SLC13A4: variants seen among roughly 807,000 people sequenced by gnomAD.
SLC13A4 encodes the protein Na(+)/sulfate cotransporter SUT-1.
Under a neutral mutation model 72.7 loss-of-function variants are expected in SLC13A4, and 28 were observed. The observed-to-expected ratio is 0.39, with a 90% CI of 0.29 to 0.53. SLC13A4 has a LOEUF of 0.53. Ranked by LOEUF, SLC13A4 falls within the 20% of genes least tolerant of loss-of-function variation. The pLI, the probability that SLC13A4 is intolerant of heterozygous loss-of-function variation, is 0.78. For synonymous variants in SLC13A4, 312 were observed against 325.5 expected, an observed-to-expected ratio of 0.96 and a Z score of 0.45; for missense variants, 653 against 788.0, an observed-to-expected ratio of 0.83 and a Z score of 2.05.
intron 2 of SLC13A4, among the ~76,000 whole-genome samples, chr7:135,716,583 G>A (rs1292037901): frequency 2.0e-5 from 3 of 152,350 alleles, no homozygotes; most frequent in East Asian, 1.9e-4. Flanking sequence ...AAAGTGCTGG[G>A]ATTACAGGCG....
At chr7:135,705,970 G>A in intron 4 of SLC13A4, 158 bp downstream of exon 4, 1 of 651,178 alleles carries the variant, frequency 1.5e-6, no homozygotes, top group Non-Finnish European at 2.5e-6. Flanking sequence ...GCTGGGATGG[G>A]AAAGAGGAGA....
chr7:135,722,847 G>A (rs1433752366), intron 1 of SLC13A4, among the ~76,000 whole-genome samples: 5 of 152,082 alleles, frequency 3.3e-5, no homozygotes, highest in Non-Finnish European at 7.4e-5. Context: ...CCTGGGAGAG[G>A]GAAGGGAAGA....
intron 8 of SLC13A4, 128 bp from the exon 9 acceptor site, chr7:135,695,615 GT>G (rs1795883797): frequency 9.4e-7 from 1 of 1,059,212 alleles, no homozygotes; most frequent in African/African-American, 1.6e-5. Flanking sequence ...TAACGATATG[GT>G]AAAACGTTGC....
chr7:135,706,619 A>G (rs1164968603), intron 3 of SLC13A4, among the ~76,000 whole-genome samples: 3 of 152,206 alleles, frequency 2.0e-5, no homozygotes, highest in Non-Finnish European at 2.9e-5. Context: ...TTCTGTCTCC[A>G]CGGACATTGG....
At chr7:135,696,850 A>G (rs1795916040) in intron 8 of SLC13A4, among the ~76,000 whole-genome samples, 1 of 152,228 alleles carries the variant, frequency 6.6e-6, no homozygotes, top group Non-Finnish European at 1.5e-5. Context: ...CTTACTTTGC[A>G]TCATCATTCA....
intron 1 of SLC13A4, among the ~76,000 whole-genome samples, chr7:135,724,645 G>A (rs908192784): frequency 1.1e-4 from 16 of 152,206 alleles, no homozygotes; most frequent in African/African-American, 3.9e-4. Flanking sequence ...TTAGACATGC[G>A]ACTAGGTTAC....
chr7:135,727,637 A>G lies in SLC13A4; in HGVS notation c.-141T>C. On this transcript the variant is annotated 5_prime_UTR_variant, in exon 1 of 16. Transcript: ENST00000682651. The stretch of plus-strand genomic sequence containing the variant: ...AGTCCTCCTTCGTCTTGGGGGCAGA[A>G]CGGGAGGGCAGTTATACCCTCGCTG... 1 of 1,067,694 alleles carries G rather than the reference A, an allele frequency of 9.4e-7. No individual in the cohort carries two copies. The highest frequency in any genetic ancestry group is 1.3e-6 in the Non-Finnish European group (1 of 765,378). 66.1% of individuals were successfully genotyped at this position (1,067,694 alleles called of 1,614,324 possible).
Position 135,708,125 on chromosome 7 carries a change from G to C in SLC13A4, c.354C>G (p.Ala118=). The C allele has an allele frequency of 7.4e-6, 12 of 1,613,356 alleles. No homozygotes were observed. Among genetic ancestry groups the C allele is most frequent in the Non-Finnish European group, 1.0e-5 (12 of 1,179,340 alleles). Residue 118 remains alanine (A), a synonymous_variant, in exon 3 of 16, where the codon GCC becomes GCG. Transcript: ENST00000682651. ...IALRMVLMAG[A]KPGMLLLCFM... is the part of the protein sequence containing the mutation. The stretch of plus-strand genomic sequence containing the variant: ...CAAATAAGACTTACATGCCCGGCTT[G>C]GCTCCGGCCATCAAGACCATGCGCA...
rs779820336 is a variant in SLC13A4, at chr7:135,684,250, C to T, written c.1620G>A (p.Leu540=). The T allele has an allele frequency of 1.9e-6, 3 of 1,605,748 alleles. No individual in the cohort carries two copies. Among genetic ancestry groups the T allele is most frequent in the South Asian group, 1.1e-5 (1 of 89,712 alleles). The change falls in exon 15 of 16, where the codon CTG becomes CTA. Residue 540 remains leucine (L), a synonymous_variant. Coordinates refer to ENST00000682651, the MANE Select transcript of SLC13A4 (RefSeq NM_001318192.2). ...TCAGGGTGTAGAGGGGGTTAATGTG[C>T]AGCGTTTCAGACTAGAAGAGAGAAT... The part of the protein sequence containing the change: ...LPILCSLSET[L]HINPLYTLIP...
chr7:135,683,052 A>C (rs1394754396), intron 15 of SLC13A4, among the ~76,000 whole-genome samples: 1 of 152,118 alleles, frequency 6.6e-6, no homozygotes, highest in Admixed American at 6.5e-5. Context: ...TAATGCCAGC[A>C]CTTTGGGAGG....
chr7:135,694,116 A>G (rs2129494160), intron 10 of SLC13A4, 21 bp downstream of exon 10: 1 of 1,405,712 alleles, frequency 7.1e-7, no homozygotes, highest in Non-Finnish European at 1.0e-6. Context: ...GAAGGAGGGA[A>G]GAGGAATGGC....
chr7:135,714,893 G>A (rs912660911), intron 2 of SLC13A4, among the ~76,000 whole-genome samples: 13 of 152,364 alleles, frequency 8.5e-5, no homozygotes, highest in African/African-American at 3.1e-4. Context: ...TGGAAGCTGA[G>A]TGACACCAGC....
chr7:135,721,588 A>G (rs1437100285), intron 1 of SLC13A4, 65 bp from the exon 2 acceptor site: 2 of 1,595,964 alleles, frequency 1.3e-6, no homozygotes, highest in Non-Finnish European at 1.7e-6. Context: ...GTCCGGATGC[A>G]ACCCTGGCAT....
intron 13 of SLC13A4, among the ~76,000 whole-genome samples, chr7:135,687,469 G>A (rs1157482804): frequency 6.6e-6 from 1 of 152,152 alleles, no homozygotes; most frequent in African/African-American, 2.4e-5. Flanking sequence ...CAGTACCCTG[G>A]CCACCTCCTG....
intron 2 of SLC13A4, among the ~76,000 whole-genome samples, chr7:135,720,981 C>T (rs1796535864): frequency 6.6e-6 from 1 of 152,192 alleles, no homozygotes; most frequent in Non-Finnish European, 1.5e-5. Context: ...TGAGCACCTA[C>T]TGTGTACAGG....
intron 8 of SLC13A4, among the ~76,000 whole-genome samples, chr7:135,696,922 TG>T (rs1410704485): frequency 6.6e-6 from 1 of 152,212 alleles, no homozygotes; most frequent in Non-Finnish European, 1.5e-5. Flanking sequence ...TTGGGTAGAG[TG>T]GCACCAGATT....
chr7:135,705,819 C>T lies in SLC13A4; in HGVS notation c.539-169G>A. Reference sequence around the variant, plus strand: ...ATGGGGCTCATGGATGCAGACTGGCCCCAGGGTTTTGCAGTGATCCTTGAG... The same window carrying T: ...ATGGGGCTCATGGATGCAGACTGGCTCCAGGGTTTTGCAGTGATCCTTGAG... On this transcript the variant is annotated intron_variant, in intron 4 of 15. Coordinates refer to ENST00000682651, the MANE Select transcript of SLC13A4 (RefSeq NM_001318192.2). 3 of 647,798 alleles carry T rather than the reference C, an allele frequency of 4.6e-6. No homozygotes were observed. The South Asian group carries it at 5.7e-5, about 12-fold the overall frequency. The allele number at this position is 647,798 out of a possible 1,614,324, so 40.1% of individuals were successfully genotyped here.
At chr7:135,723,195 A>G (rs553387195) in intron 1 of SLC13A4, among the ~76,000 whole-genome samples, 31 of 152,254 alleles carry the variant, frequency 2.0e-4, no homozygotes, top group Admixed American at 8.5e-4. Context: ...TCCGCTTGAC[A>G]CCATGGAAAC....
chr7:135,691,362 G>A, intron 12 of SLC13A4, 37 bp from the exon 13 acceptor site: 1 of 1,549,478 alleles, frequency 6.5e-7, no homozygotes, highest in Non-Finnish European at 8.8e-7. Flanking sequence ...GATAAACCCT[G>A]ATGGACGTGA....
Sources: gnomAD v4.1 joint callset for allele counts (sites outside exome capture counted in the v4.1 genomes callset) on GRCh38, gnomAD v4.1.1 for gene constraint, MANE v1.5 for transcripts, NCBI Gene and HGNC (gene_info 2026-07-23, HGNC 2026-07-21) for gene names.